The following ARFGEF2 variants were observed in gnomAD, a reference collection of about 807,000 sequenced individuals.
ARFGEF2 encodes the protein brefeldin A-inhibited guanine nucleotide-exchange protein 2.
Under a neutral mutation model 219.9 loss-of-function variants are expected in ARFGEF2, and 74 were observed. That is an observed-to-expected ratio of 0.34 (90% CI 0.28 to 0.41). The LOEUF (loss-of-function observed/expected upper bound fraction) is 0.41. Among genes scored for constraint, ARFGEF2 ranks in the 10% least tolerant of loss-of-function variants. The pLI is 1.00. For missense variants in ARFGEF2, 1,743 were observed against 2,218.3 expected, an observed-to-expected ratio of 0.79 and a Z score of 4.30; for synonymous variants, 733 against 799.2, an observed-to-expected ratio of 0.92 and a Z score of 1.40.
At chr20:48,959,108 A>G (rs769281846) in intron 6 of ARFGEF2, among the ~76,000 whole-genome samples, 8 of 152,208 alleles carry the variant, frequency 5.3e-5, no homozygotes, top group Non-Finnish European at 1.2e-4. Flanking sequence ...TAGGCTAAGC[A>G]ATACATATGT....
At chr20:48,936,529 CTCTT>C (rs2090959227) in intron 1 of ARFGEF2, among the ~76,000 whole-genome samples, 1 of 151,986 alleles carries the variant, frequency 6.6e-6, no homozygotes, top group Non-Finnish European at 1.5e-5. Flanking sequence ...CCTCACTTCT[CTCTT>C]TTTTTTTTGA....
At chr20:48,984,609 G>T in intron 14 of ARFGEF2, 120 bp from the exon 15 acceptor site, 1 of 1,293,696 alleles carries the variant, frequency 7.7e-7, no homozygotes, top group Non-Finnish European at 1.1e-6. Context: ...ACATGACCTT[G>T]CTAGCTTATA....
chr20:49,010,642 C>G (rs2091492444), intron 27 of ARFGEF2, among the ~76,000 whole-genome samples: 1 of 152,194 alleles, frequency 6.6e-6, no homozygotes, highest in African/African-American at 2.4e-5. Flanking sequence ...TGGGGTCCAG[C>G]AGATAAACGT....
chr20:48,955,352 GCTC>G (rs2091099355), intron 6 of ARFGEF2, among the ~76,000 whole-genome samples: 1 of 152,078 alleles, frequency 6.6e-6, no homozygotes, highest in Non-Finnish European at 1.5e-5. Context: ...AACTTCTGTA[GCTC>G]CTCATCATAT....
intron 2 of ARFGEF2, 144 bp from the exon 3 acceptor site, chr20:48,941,720 A>G (rs1417389029): frequency 1.7e-6 from 2 of 1,189,314 alleles, no homozygotes; most frequent in African/African-American, 1.5e-5. Context: ...GTTTTTGCTA[A>G]TGCATGTATT....
intron 16 of ARFGEF2, among the ~76,000 whole-genome samples, chr20:48,987,560 G>A (rs929588001): frequency 7.2e-5 from 11 of 152,106 alleles, no homozygotes; most frequent in Non-Finnish European, 1.5e-4. Flanking sequence ...GTCTAGCACA[G>A]TACATGGCAC....
intron 36 of ARFGEF2, among the ~76,000 whole-genome samples, chr20:49,025,720 T>C (rs538801577): frequency 1.2e-4 from 19 of 152,252 alleles, no homozygotes; most frequent in African/African-American, 4.6e-4. Flanking sequence ...ATGCCTGTAA[T>C]CCCAACACTT....
chr20:49,005,863 C>T (rs2091456247), intron 26 of ARFGEF2, among the ~76,000 whole-genome samples: 1 of 151,970 alleles, frequency 6.6e-6, no homozygotes, highest in Non-Finnish European at 1.5e-5. Flanking sequence ...TTATGTGACC[C>T]ATCACTTCTC....
At chr20:48,986,203 G>A (rs1444354489) in intron 16 of ARFGEF2, among the ~76,000 whole-genome samples, 3 of 152,126 alleles carry the variant, frequency 2.0e-5, no homozygotes, top group African/African-American at 7.2e-5. Context: ...TTAATTAATG[G>A]CAAGCCCAGG....
intron 14 of ARFGEF2, among the ~76,000 whole-genome samples, chr20:48,977,134 C>T (rs1004340410): frequency 6.6e-6 from 1 of 151,862 alleles, no homozygotes; most frequent in Non-Finnish European, 1.5e-5. Context: ...CCCTGCGCCC[C>T]ACCCCATAGC....
At chr20:49,021,719 G>A (rs2869692) in intron 34 of ARFGEF2, among the ~76,000 whole-genome samples, 53,449 of 151,112 alleles carry the variant, frequency 0.35, 10,074 homozygotes, top group African/African-American at 0.5. Context: ...CATGGTGCCG[G>A]GTGCCTGTAG....
intron 3 of ARFGEF2, among the ~76,000 whole-genome samples, chr20:48,943,680 C>G: frequency 6.6e-6 from 1 of 152,230 alleles, no homozygotes; most frequent in Non-Finnish European, 1.5e-5. Flanking sequence ...AAACAGTCCT[C>G]CTGCCTCAGC....
intron 9 of ARFGEF2, among the ~76,000 whole-genome samples, chr20:48,969,997 A>G (rs768219650): frequency 6.6e-6 from 1 of 152,216 alleles, no homozygotes; most frequent in Non-Finnish European, 1.5e-5. Context: ...ATCTATTACT[A>G]ATGCTGCTAA....
rs764221359 is a variant in ARFGEF2, at chr20:48,975,970, T to TGTCC, written c.1775-45_1775-42dup. The TGTCC allele has an allele frequency of 1.4e-3, 2,317 of 1,607,764 alleles. 3 individuals are homozygous for TGTCC. Among genetic ancestry groups the TGTCC allele is most frequent in the Middle Eastern group, 1.8e-3 (8 of 4,422 alleles). On this transcript the variant is annotated intron_variant, in intron 13 of 38. Coordinates refer to ENST00000371917, the MANE Select transcript of ARFGEF2 (RefSeq NM_006420.3). Reference sequence around the variant, plus strand: ...GCCAGACCTAGCTCGGCTGTGTCTGTGTCCCACTTGCTTATTTGGCTTCCT... The same window carrying TGTCC: ...GCCAGACCTAGCTCGGCTGTGTCTGTGTCCGTCCCACTTGCTTATTTGGCTTCCT...
intron 3 of ARFGEF2, among the ~76,000 whole-genome samples, chr20:48,945,422 A>G (rs2091019502): frequency 6.6e-6 from 1 of 152,122 alleles, no homozygotes; most frequent in Non-Finnish European, 1.5e-5. Context: ...GACTGTACCC[A>G]TGTGGTTCTG....
chr20:48,984,014 C>T (rs2091311678), intron 14 of ARFGEF2, among the ~76,000 whole-genome samples: 1 of 151,406 alleles, frequency 6.6e-6, no homozygotes, highest in Admixed American at 6.6e-5. Flanking sequence ...CCAGACCAGC[C>T]TGGTCAACAC....
At chr20:48,935,249 AGTGTTT>A (rs2090940530) in intron 1 of ARFGEF2, among the ~76,000 whole-genome samples, 1 of 152,136 alleles carries the variant, frequency 6.6e-6, no homozygotes, top group African/African-American at 2.4e-5. Flanking sequence ...GGCCTTCCGC[AGTGTTT>A]GTGTCCCTGG....
chr20:48,931,290 A>C (rs1214392842), intron 1 of ARFGEF2, among the ~76,000 whole-genome samples: 3 of 151,664 alleles, frequency 2.0e-5, no homozygotes, highest in Non-Finnish European at 2.9e-5. Flanking sequence ...GAGCCAGTTC[A>C]AGGAGAGGTT....
chr20:48,973,219 G>T lies in ARFGEF2; in HGVS notation c.1600G>T (p.Val534Leu), dbSNP rs1204077422. The T allele has an allele frequency of 1.2e-6, 2 of 1,614,042 alleles. No homozygotes were observed. Among genetic ancestry groups the T allele is most frequent in the Non-Finnish European group, 1.7e-6 (2 of 1,180,036 alleles). The stretch of plus-strand genomic sequence containing the variant: ...TGCTGCTAACATTTTTGAGCGCCTT[G>T]TAAATGATTTATCCAAAATTGCTCA... ...LNAANIFERL[V>L]NDLSKIAQGR... Residue 534 changes from valine (V) to leucine (L), a missense_variant, in exon 12 of 39, where the codon GTA becomes TTA. This residue lies in a region of ARFGEF2 where 666 missense variants were observed against 955.4 expected (regional missense o/e 0.70). Transcript: ENST00000371917.
Sources: gnomAD v4.1 joint callset for allele counts (sites outside exome capture counted in the v4.1 genomes callset) on GRCh38, gnomAD v4.1.1 for gene constraint, gnomAD v4.1.1 regional missense constraint, MANE v1.5 for transcripts, NCBI Gene and HGNC (gene_info 2026-07-23, HGNC 2026-07-21) for gene names.